The following DCAF6 variants were observed in gnomAD, a reference collection of about 807,000 sequenced individuals.
The protein encoded by DCAF6 is DDB1 and CUL4 associated factor 6, also known as DDB1- and CUL4-associated factor 6.
DCAF6 carries 54 observed loss-of-function variants against 125.1 expected under a neutral mutation model. The observed-to-expected ratio is 0.43, with a 90% CI of 0.35 to 0.54. DCAF6 has a LOEUF of 0.54. Among genes scored for constraint, DCAF6 ranks in the 20% least tolerant of loss-of-function variants. The probability of loss-of-function intolerance (pLI) is 0.01; values close to 1 mark genes in which losing one functional copy is unlikely to be tolerated. For missense variants in DCAF6, 934 were observed against 1,161.7 expected (o/e 0.80, Z 2.85); for synonymous variants, 371 against 390.4 (o/e 0.95, Z 0.58).
At chr1:167,915,544 T>C in the DCAF6 span, among the ~76,000 whole-genome samples, 1 of 152,072 alleles carries the variant, frequency 6.6e-6, no homozygotes, top group Admixed American at 6.6e-5. Flanking sequence ...TCCACCTCCC[T>C]GGTTCAAGTG....
chr1:168,067,620 C>G (rs151277736), intron 20 of DCAF6, among the ~76,000 whole-genome samples: 2 of 152,288 alleles, frequency 1.3e-5, no homozygotes, highest in Non-Finnish European at 2.9e-5. Context: ...GTAGCTTAAT[C>G]AAACTAAACG....
intron 11 of DCAF6, among the ~76,000 whole-genome samples, chr1:168,022,074 C>T (rs1685737922): frequency 6.6e-6 from 1 of 151,990 alleles, no homozygotes. Context: ...ACTAGATCCC[C>T]AGGCTGATTA....
chr1:168,051,261 GT>G (rs146323296), intron 17 of DCAF6, among the ~76,000 whole-genome samples: 1 of 152,112 alleles, frequency 6.6e-6, no homozygotes, highest in Admixed American at 6.5e-5. Flanking sequence ...TGCAATTTAT[GT>G]TTTTTAAATT....
At chr1:168,027,409 C>G (rs1316020973) in intron 12 of DCAF6, among the ~76,000 whole-genome samples, 2 of 152,052 alleles carry the variant, frequency 1.3e-5, no homozygotes, top group Admixed American at 1.3e-4. Flanking sequence ...TACCAAGATT[C>G]TTGTTCTCAG....
chr1:167,974,686 A>G (rs1677870710), intron 3 of DCAF6, 144 bp from the exon 4 acceptor site: 1 of 558,316 alleles, frequency 1.8e-6, no homozygotes, highest in Admixed American at 4.2e-5. Flanking sequence ...ATTTTTTTAA[A>G]TTATAATAGC....
chr1:167,904,114 G>T, the DCAF6 span: 6 of 587,650 alleles, frequency 1.0e-5, no homozygotes, highest in Non-Finnish European at 1.8e-5. Context: ...TTGAGACAGA[G>T]TCTTGCTTTG....
the DCAF6 span, among the ~76,000 whole-genome samples, chr1:167,929,262 G>A: frequency 6.6e-6 from 1 of 152,172 alleles, no homozygotes; most frequent in Admixed American, 6.5e-5. Flanking sequence ...GGAAGGTTGA[G>A]GCAGGGGAAT....
intron 3 of DCAF6, among the ~76,000 whole-genome samples, chr1:167,967,714 C>CTTTTTTTTTT (rs552208317): frequency 2.7e-5 from 2 of 74,550 alleles, no homozygotes; most frequent in African/African-American, 1.1e-4. Context: ...TTTCCTGTAT[C>CTTTTTTTTTT]TTTTTTTTTT....
At chr1:167,869,445 C>T in the DCAF6 span, among the ~76,000 whole-genome samples, 1 of 151,990 alleles carries the variant, frequency 6.6e-6, no homozygotes, top group Non-Finnish European at 1.5e-5. Flanking sequence ...GAGAGAGACC[C>T]TCTCATATTG....
chr1:167,974,783 C>G, intron 3 of DCAF6, 47 bp from the exon 4 acceptor site: 4 of 1,374,142 alleles, frequency 2.9e-6, no homozygotes, highest in Non-Finnish European at 3.8e-6. Context: ...ATGAATATTT[C>G]TAGGAAATAA....
chr1:167,981,394 A>G (rs1388095950), intron 4 of DCAF6, among the ~76,000 whole-genome samples: 1 of 151,886 alleles, frequency 6.6e-6, no homozygotes, highest in Non-Finnish European at 1.5e-5. Context: ...CTTTTATTTT[A>G]GATTCGAGGG....
intron 4 of DCAF6, among the ~76,000 whole-genome samples, chr1:167,985,494 C>T (rs1038640754): frequency 6.6e-6 from 1 of 152,114 alleles, no homozygotes; most frequent in Admixed American, 6.5e-5. Context: ...TTGTCTCCTT[C>T]TCTGACTCTG....
chr1:168,061,420 C>T (rs1337315833), intron 17 of DCAF6, among the ~76,000 whole-genome samples: 23 of 152,124 alleles, frequency 1.5e-4, no homozygotes. Flanking sequence ...TAATGTCCAT[C>T]TTTCCAAACC....
In DCAF6 at chr1:168,065,901, A is replaced by T. The variant is rs183222647; in HGVS notation, c.2596+155A>T. On this transcript the variant is annotated intron_variant, in intron 19 of 21. Transcript: ENST00000367840. ...CAATTACAGCTGAACTTGCACTTCA[A>T]ACACACCTGTAATCTGCTTTTTGCA... Among the ~76,000 whole-genome samples, 431 of 152,340 alleles carry T rather than the reference A, an allele frequency of 2.8e-3. 1 individual carries two copies. Among genetic ancestry groups the T allele is most frequent in the Middle Eastern group, 6.8e-3 (2 of 294 alleles).
the DCAF6 span, among the ~76,000 whole-genome samples, chr1:167,926,442 T>C: frequency 1.3e-5 from 2 of 152,236 alleles, no homozygotes; most frequent in African/African-American, 4.8e-5. Flanking sequence ...AAGGTTGGAA[T>C]TGAAGACATT....
Position 167,975,015 on chromosome 1 carries a change from G to T in DCAF6, c.438G>T (p.Glu146Asp). The T allele has an allele frequency of 1.3e-6, 2 of 1,574,774 alleles. No individual in the cohort carries two copies. Among genetic ancestry groups the T allele is most frequent in the East Asian group, 2.3e-5 (1 of 44,322 alleles). The change falls in exon 4 of 22, where the codon GAG becomes GAT. Residue 146 changes from glutamate to aspartate, a missense_variant and splice_region_variant. By Grantham distance (45) the Glu-to-Asp change is conservative (BLOSUM62 2). This residue lies in a region of DCAF6 where 309 missense variants were observed against 381.2 expected (regional missense o/e 0.81). Coordinates refer to ENST00000367840, the MANE Select transcript of DCAF6 (RefSeq NM_001198956.2). ...QFTCHYGTTYEIMTVPNDPYT... is the reference protein window; with the variant it reads ...QFTCHYGTTYDIMTVPNDPYT... ...CGTGTCATTATGGAACTACTTATGA[G>T]GTATGGTATTATTATGATTATATGA... is the stretch of plus-strand genomic sequence containing the variant.
At chr1:167,907,019 A>G in the DCAF6 span, among the ~76,000 whole-genome samples, 6 of 152,194 alleles carry the variant, frequency 3.9e-5, no homozygotes. Flanking sequence ...AAAGTATAAC[A>G]AGCATTGCTA....
the DCAF6 span, chr1:167,893,743 A>C: frequency 1.6e-6 from 1 of 642,950 alleles, no homozygotes; most frequent in Non-Finnish European, 2.8e-6. Context: ...TTTTAATGGA[A>C]CATTTTACTA....
rs74388891 is a variant in DCAF6 at position 168,040,314 on chromosome 1, A to G, written c.1727+1826A>G. On this transcript the variant is annotated intron_variant, in intron 13 of 21. Transcript: ENST00000367840. ...TGACCAGTGGAGAGAAGAGTAGTAG[A>G]TAAGGTCAGCCAGGAAATTGAGGAG... Among the ~76,000 whole-genome samples, 1,272 of 152,126 alleles carry G rather than the reference A, an allele frequency of 8.4e-3. 7 individuals carry two copies. The highest frequency in any genetic ancestry group is 0.013 in the Non-Finnish European group (889 of 67,948).
Sources: gnomAD v4.1 joint callset for allele counts (sites outside exome capture counted in the v4.1 genomes callset) on GRCh38, gnomAD v4.1.1 for gene constraint, gnomAD v4.1.1 regional missense constraint, MANE v1.5 for transcripts, NCBI Gene and HGNC (gene_info 2026-07-23, HGNC 2026-07-21) for gene names.